KANK1: variants seen among roughly 807,000 people sequenced by gnomAD.
KANK1 encodes KN motif and ankyrin repeat domain-containing protein 1.
In KANK1, 109 loss-of-function variants were observed where a neutral mutation model predicts 106.2. The observed-to-expected ratio is 1.03, with a 90% CI of 0.88 to 1.20. KANK1 has a LOEUF of 1.20. Among genes scored for constraint, KANK1 ranks in the 50% most tolerant of loss-of-function variants. KANK1 has a pLI of 0.00. For synonymous variants in KANK1, 873 were observed against 652.2 expected (o/e 1.34, Z -5.16); for missense variants, 2,399 against 1,710.7 (o/e 1.40, Z -7.10).
At chr9:529,348 G>C (rs2059955401) in intron 1 of KANK1, among the ~76,000 whole-genome samples, 1 of 151,054 alleles carries the variant, frequency 6.6e-6, no homozygotes, top group African/African-American at 2.4e-5. Context: ...GAGTGCAATG[G>C]CGCCACCATG....
chr9:656,555 G>A (rs2137828997), intron 1 of KANK1, among the ~76,000 whole-genome samples: 1 of 152,200 alleles, frequency 6.6e-6, no homozygotes, highest in South Asian at 2.1e-4. Context: ...TTCCTCAACA[G>A]AATGGGATCA....
At chr9:551,313 G>A (rs1382939607) in intron 1 of KANK1, among the ~76,000 whole-genome samples, 1 of 151,880 alleles carries the variant, frequency 6.6e-6, no homozygotes, top group Non-Finnish European at 1.5e-5. Flanking sequence ...ACCCATGATG[G>A]TGTTTCATAC....
intron 1 of KANK1, among the ~76,000 whole-genome samples, chr9:524,365 G>C (rs1297484862): frequency 9.0e-6 from 1 of 111,248 alleles, no homozygotes; most frequent in African/African-American, 5.8e-5. Context: ...TAACTTTTTG[G>C]AGTGTATGTG....
intron 3 of KANK1, among the ~76,000 whole-genome samples, chr9:716,968 A>C (rs1827876808): frequency 7.2e-6 from 1 of 139,692 alleles, no homozygotes; most frequent in African/African-American, 2.6e-5. Flanking sequence ...GGGTGACAGA[A>C]TGAGACCTTG....
chr9:547,194 T>C (rs1563749208), intron 1 of KANK1: 1 of 152,176 alleles, frequency 6.6e-6, no homozygotes, highest in South Asian at 2.1e-4. Flanking sequence ...TGTGTTTTGC[T>C]CAGTACAAAA....
At chr9:591,071 A>G (rs1824759060) in intron 1 of KANK1, among the ~76,000 whole-genome samples, 1 of 151,732 alleles carries the variant, frequency 6.6e-6, no homozygotes, top group Non-Finnish European at 1.5e-5. Context: ...TGCCATTTAT[A>G]TTCCTTTGTG....
chr9:684,658 A>T (rs796882995), intron 2 of KANK1: 1 of 830,312 alleles, frequency 1.2e-6, no homozygotes, highest in Non-Finnish European at 1.5e-6. Flanking sequence ...CATCAAAGGT[A>T]TAGCTCATTT....
chr9:599,605 C>T (rs973280607), intron 1 of KANK1, among the ~76,000 whole-genome samples: 4 of 151,862 alleles, frequency 2.6e-5, no homozygotes, highest in Non-Finnish European at 5.9e-5. Context: ...ACCCATCATA[C>T]TGATATGCTA....
intron 1 of KANK1, among the ~76,000 whole-genome samples, chr9:629,178 T>G (rs1835077086): frequency 6.6e-6 from 1 of 152,032 alleles, no homozygotes; most frequent in South Asian, 2.1e-4. Context: ...TCTGATAAAA[T>G]GCAGTGTTTT....
At chr9:486,291 C>G (rs2058292206) in intron 3 of KANK1, among the ~76,000 whole-genome samples, 1 of 152,190 alleles carries the variant, frequency 6.6e-6, no homozygotes, top group Non-Finnish European at 1.5e-5. Flanking sequence ...CCGTGTAACT[C>G]TGAATTTGAT....
At chr9:730,666 C>A (rs1172579624) in intron 4 of KANK1, 3 of 198,394 alleles carry the variant, frequency 1.5e-5, no homozygotes, top group Non-Finnish European at 2.1e-5. Flanking sequence ...GCACTCCAGC[C>A]TGGGTGACAG....
chr9:487,467 A>G (rs1033384677), intron 3 of KANK1, among the ~76,000 whole-genome samples: 8 of 152,164 alleles, frequency 5.3e-5, no homozygotes, highest in African/African-American at 1.9e-4. Context: ...TTTTCAACTC[A>G]CAATGTTTTC....
In KANK1 at chr9:711,161, T is replaced by C. The variant is rs776388818; in HGVS notation, c.395T>C (p.Leu132Pro). 2.5e-6 allele frequency: 4 copies of C among 1,614,158 alleles called. No individual in the cohort carries two copies. Among genetic ancestry groups the C allele is most frequent in the Non-Finnish European group, 3.4e-6 (4 of 1,180,020 alleles). The part of the protein sequence containing the change: ...PPPLETSLPF[L>P]TIPENRQLPP... ...CCTCTGGAGACCTCACTCCCTTTTC[T>C]TACCATCCCAGAAAATCGACAGCTG... The change falls in exon 3 of 12, where the codon CTT becomes CCT. Residue 132 changes from leucine to proline, a missense_variant. By Grantham distance (98) the Leu-to-Pro change is moderately conservative. Coordinates refer to ENST00000382297, the MANE Select transcript of KANK1 (RefSeq NM_015158.5).
intron 2 of KANK1, among the ~76,000 whole-genome samples, chr9:683,913 T>A (rs989272025): frequency 1.3e-5 from 2 of 152,184 alleles, no homozygotes; most frequent in Non-Finnish European, 2.9e-5. Flanking sequence ...GATGAAATAA[T>A]TTTCTTATAG....
intron 1 of KANK1, chr9:549,472 G>A (rs1021698759): frequency 3.3e-5 from 5 of 152,208 alleles, no homozygotes; most frequent in African/African-American, 7.2e-5. Flanking sequence ...GCTTCAAGAC[G>A]GGGTCCCGTT....
chr9:674,494 G>C (rs1050883286), intron 1 of KANK1: 2 of 152,006 alleles, frequency 1.3e-5, no homozygotes, highest in African/African-American at 4.8e-5. Flanking sequence ...TAAACAATGA[G>C]GGAAATTTCA....
intron 1 of KANK1, among the ~76,000 whole-genome samples, chr9:623,886 T>C (rs1833762100): frequency 1.3e-5 from 2 of 152,146 alleles, no homozygotes; most frequent in Non-Finnish European, 2.9e-5. Context: ...GATATATGTT[T>C]AAAAGACATC....
chr9:695,513 A>G (rs564604228), intron 2 of KANK1, among the ~76,000 whole-genome samples: 1 of 151,938 alleles, frequency 6.6e-6, no homozygotes, highest in African/African-American at 2.4e-5. Flanking sequence ...TCCTTCATAC[A>G]CTCTTAAGAA....
chr9:661,071 G>A (rs1843189455), intron 1 of KANK1, among the ~76,000 whole-genome samples: 1 of 102,512 alleles, frequency 9.8e-6, no homozygotes. Flanking sequence ...TAACCAACTG[G>A]TTTTGAGGTT....
Sources: gnomAD v4.1 joint callset for allele counts (sites outside exome capture counted in the v4.1 genomes callset) on GRCh38, gnomAD v4.1.1 for gene constraint, MANE v1.5 for transcripts, NCBI Gene and HGNC (gene_info 2026-07-23, HGNC 2026-07-21) for gene names.